ZMYM1: variants seen among roughly 807,000 people sequenced by gnomAD.
ZMYM1 encodes the protein zinc finger MYM-type protein 1.
Under a neutral mutation model 60.0 loss-of-function variants are expected in ZMYM1, and 39 were observed. That is an observed-to-expected ratio of 0.65 (90% CI 0.50 to 0.85). The LOEUF (loss-of-function observed/expected upper bound fraction) is 0.85. ZMYM1 is among the 40% of genes least tolerant of loss of function. The pLI is 0.00. For missense variants in ZMYM1, 1,171 were observed against 1,309.5 expected, an observed-to-expected ratio of 0.89 and a Z score of 1.63; for synonymous variants, 413 against 454.0, an observed-to-expected ratio of 0.91 and a Z score of 1.15.
chr1:35,071,019 A>T (rs1234508438), intron 1 of ZMYM1, among the ~76,000 whole-genome samples: 1 of 151,862 alleles, frequency 6.6e-6, no homozygotes, highest in Non-Finnish European at 1.5e-5. Flanking sequence ...CAAGTAGCTG[A>T]GATTACAGGT....
At chr1:35,076,874 G>T (rs1310826139), upstream of ZMYM1, among the ~76,000 whole-genome samples, 2 of 151,298 alleles carry the variant, frequency 1.3e-5, no homozygotes, top group African/African-American at 4.9e-5. Flanking sequence ...AGAGGTTGCA[G>T]TGAGCCACCA....
chr1:35,082,804 A>G (rs1385356212), intron 1 of ZMYM1, among the ~76,000 whole-genome samples: 1 of 148,010 alleles, frequency 6.8e-6, no homozygotes, highest in Non-Finnish European at 1.5e-5. Flanking sequence ...ACATGGTGAA[A>G]CCCCGTCTCT....
At chr1:35,110,688 T>G (rs552121165) in intron 7 of ZMYM1, among the ~76,000 whole-genome samples, 2 of 152,186 alleles carry the variant, frequency 1.3e-5, no homozygotes, top group South Asian at 4.1e-4. Flanking sequence ...CCCAGCACTT[T>G]GGGAGGCCAA....
intron 1 of ZMYM1, among the ~76,000 whole-genome samples, chr1:35,073,365 G>GGAAGGAAA (rs1642106938): frequency 2.7e-5 from 4 of 145,788 alleles, no homozygotes; most frequent in Middle Eastern, 3.7e-3. Context: ...AAGGAAGGAA[G>GGAAGGAAA]GAAGGAAGGA....
chr1:35,079,740 T>C (rs566894375), intron 1 of ZMYM1, among the ~76,000 whole-genome samples: 61 of 152,342 alleles, frequency 4.0e-4, no homozygotes, highest in African/African-American at 1.4e-3. Flanking sequence ...CTTCAGACTT[T>C]AGTCTCGCTC....
At chr1:35,078,258 A>G (rs2148482526), upstream of ZMYM1, among the ~76,000 whole-genome samples, 1 of 152,336 alleles carries the variant, frequency 6.6e-6, no homozygotes, top group African/African-American at 2.4e-5. Context: ...AGGATATTTA[A>G]GGACCATAGC....
chr1:35,111,905 C>T lies in ZMYM1; in HGVS notation c.1095C>T (p.Val365=). ...CCTTGCCCATCATGAACACTGATGT[C>T]TTACAAGGTAAAAGTTGATGTTAAG... ...DVALPIMNTD[V]LQDTVSSVTA... Residue 365 remains valine, a synonymous_variant, in exon 8 of 10, where the codon GTC becomes GTT. Transcript: ENST00000359858. 3.8e-6 allele frequency: 6 copies of T among 1,585,730 alleles called. No individual in the cohort carries two copies. Among genetic ancestry groups the T allele is most frequent in the Non-Finnish European group, 5.2e-6 (6 of 1,164,168 alleles).
chr1:35,102,163 G>C (rs1643693245), intron 4 of ZMYM1, among the ~76,000 whole-genome samples: 1 of 152,004 alleles, frequency 6.6e-6, no homozygotes. Flanking sequence ...GATTGGAAAA[G>C]GGGGGAGTGT....
At chr1:35,106,974 C>T (rs116771573) in intron 6 of ZMYM1, among the ~76,000 whole-genome samples, 3,783 of 151,732 alleles carry the variant, frequency 0.025, 70 homozygotes, top group Non-Finnish European at 0.039. Context: ...ATCTCAGCCT[C>T]GCGAGCAGCT....
intron 1 of ZMYM1, among the ~76,000 whole-genome samples, chr1:35,092,502 A>G (rs1394647481): frequency 1.3e-5 from 2 of 151,748 alleles, no homozygotes; most frequent in Non-Finnish European, 2.9e-5. Flanking sequence ...TGGCCTCCCA[A>G]AGTGCTGGGA....
In ZMYM1 at chr1:35,113,029, C is replaced by T. The variant is rs200820729; in HGVS notation, c.1199C>T (p.Thr400Met). Residue 400 changes from threonine to methionine, a missense_variant, in exon 10 of 10, where the codon ACG (threonine) becomes ATG (methionine). Transcript: ENST00000359858. Reference sequence around the variant, plus strand: ...AGTAATGCTGTTGCTAGTAGTAGTACGGAACAGCCAAGCGTTTCACCATCT... The same window carrying T: ...AGTAATGCTGTTGCTAGTAGTAGTATGGAACAGCCAAGCGTTTCACCATCT... ...EPSNAVASSSTEQPSVSPSSS... is the reference protein window; with the variant it reads ...EPSNAVASSSMEQPSVSPSSS... 4.2e-5 allele frequency: 68 copies of T among 1,612,474 alleles called. No homozygotes were observed. In the East Asian group the frequency reaches 6.9e-4, roughly 16 times the overall value.
At chr1:35,097,264 A>G (rs1557672324) in intron 3 of ZMYM1, 53 bp from the exon 4 acceptor site, 1 of 1,526,264 alleles carries the variant, frequency 6.6e-7, no homozygotes, top group Non-Finnish European at 8.8e-7. Context: ...AGGAATGCCT[A>G]CTTAATTTTG....
Position 35,114,041 on chromosome 1 carries a change from A to C in ZMYM1, c.2211A>C (p.Glu737Asp). 1 of 1,606,700 alleles carries C rather than the reference A, an allele frequency of 6.2e-7. No individual in the cohort carries two copies. The highest frequency in any genetic ancestry group is 2.2e-5 in the East Asian group (1 of 44,814). The part of the protein sequence containing the change: ...NKIAAEFKKE[E>D]PRALYIHCYA... Reference sequence around the variant, plus strand: ...TAGCAGCAGAATTCAAGAAAGAAGAACCAAGAGCTTTATACATACATTGTT... The same window carrying C: ...TAGCAGCAGAATTCAAGAAAGAAGACCCAAGAGCTTTATACATACATTGTT... Residue 737 changes from glutamate to aspartate, a missense_variant, in exon 10 of 10, where the codon GAA becomes GAC. Coordinates refer to ENST00000359858, the MANE Select transcript of ZMYM1 (RefSeq NM_024772.5).
intron 7 of ZMYM1, among the ~76,000 whole-genome samples, chr1:35,111,338 T>C (rs918876623): frequency 6.6e-5 from 10 of 152,302 alleles, no homozygotes; most frequent in South Asian, 4.1e-4. Flanking sequence ...AACTGGCTTG[T>C]TACAGAAATT....
upstream of ZMYM1, among the ~76,000 whole-genome samples, chr1:35,078,194 G>C (rs1283212942): frequency 1.3e-5 from 2 of 152,144 alleles, no homozygotes; most frequent in Non-Finnish European, 2.9e-5. Context: ...TCAGTTACTC[G>C]TATAATATTT....
At chr1:35,070,400 T>C (rs1007798449) in intron 1 of ZMYM1, among the ~76,000 whole-genome samples, 3 of 152,222 alleles carry the variant, frequency 2.0e-5, no homozygotes, top group Non-Finnish European at 4.4e-5. Context: ...TATTAATATA[T>C]AGAAACACTG....
intron 1 of ZMYM1, among the ~76,000 whole-genome samples, chr1:35,083,513 G>A (rs1440397315): frequency 2.0e-5 from 3 of 152,052 alleles, no homozygotes; most frequent in South Asian, 2.1e-4. Context: ...GCCTACTCGC[G>A]TTTTTCTTTA....
At chr1:35,074,774 G>A (rs1474616698), upstream of ZMYM1, among the ~76,000 whole-genome samples, 1 of 151,934 alleles carries the variant, frequency 6.6e-6, no homozygotes, top group Non-Finnish European at 1.5e-5. Context: ...GTCCCGTACT[G>A]TTATTGTATG....
intron 1 of ZMYM1, among the ~76,000 whole-genome samples, chr1:35,065,070 A>G (rs1641948652): frequency 6.6e-6 from 1 of 152,182 alleles, no homozygotes; most frequent in South Asian, 2.1e-4. Context: ...AAAAAATACA[A>G]TTTATCGAAA....
Sources: gnomAD v4.1 joint callset for allele counts (sites outside exome capture counted in the v4.1 genomes callset) on GRCh38, gnomAD v4.1.1 for gene constraint, MANE v1.5 for transcripts, NCBI Gene and HGNC (gene_info 2026-07-23, HGNC 2026-07-21) for gene names.